MSRA: variants seen among roughly 807,000 people sequenced by gnomAD.
The protein encoded by MSRA is mitochondrial peptide methionine sulfoxide reductase.
In MSRA, 54 loss-of-function variants were observed where a neutral mutation model predicts 31.3. The observed-to-expected ratio is 1.73, with a 90% CI of 1.39 to 2.17. The LOEUF (loss-of-function observed/expected upper bound fraction) is 2.17. Among genes scored for constraint, MSRA ranks in the 30% most tolerant of loss-of-function variants. MSRA has a pLI of 0.00. For synonymous variants in MSRA, 169 were observed against 116.5 expected (o/e 1.45, Z -2.90); for missense variants, 507 against 300.9 (o/e 1.69, Z -5.07).
At chr8:10,164,944 C>T (rs1804987118) in intron 1 of MSRA, among the ~76,000 whole-genome samples, 1 of 152,188 alleles carries the variant, frequency 6.6e-6, no homozygotes, top group Admixed American at 6.5e-5. Context: ...AGGAGAATCA[C>T]TTGAACCTGG....
At chr8:10,238,102 C>T (rs981235931) in intron 2 of MSRA, among the ~76,000 whole-genome samples, 23 of 152,186 alleles carry the variant, frequency 1.5e-4, no homozygotes, top group African/African-American at 3.4e-4. Context: ...CTGCTACTTC[C>T]TCCTTGTTTA....
chr8:10,173,262 G>T (rs1429218138), intron 1 of MSRA, among the ~76,000 whole-genome samples: 6 of 152,234 alleles, frequency 3.9e-5, no homozygotes, highest in Admixed American at 6.5e-5. Context: ...CTCCGTGTCT[G>T]CCTGCAGCCT....
intron 2 of MSRA, among the ~76,000 whole-genome samples, chr8:10,219,557 C>A (rs962013354): frequency 4.6e-5 from 7 of 151,958 alleles, no homozygotes; most frequent in African/African-American, 1.7e-4. Flanking sequence ...CACCTGTAAT[C>A]CCAGCACTTT....
intron 1 of MSRA, among the ~76,000 whole-genome samples, chr8:10,103,530 TG>T (rs982038925): frequency 7.9e-5 from 12 of 152,182 alleles, no homozygotes; most frequent in Admixed American, 7.2e-4. Context: ...ATCAAAGGGT[TG>T]TTCAGAATAT....
chr8:10,109,658 A>G (rs1280065360), intron 1 of MSRA, among the ~76,000 whole-genome samples: 4 of 152,064 alleles, frequency 2.6e-5, no homozygotes, highest in Non-Finnish European at 5.9e-5. Context: ...CTTATGATGT[A>G]TTTTTAGCAT....
At chr8:10,111,078 A>G (rs1410122099) in intron 1 of MSRA, among the ~76,000 whole-genome samples, 1 of 152,150 alleles carries the variant, frequency 6.6e-6, no homozygotes, top group East Asian at 1.9e-4. Context: ...GCTTGATTTG[A>G]CCAAGTGTAG....
chr8:10,369,336 A>G (rs992699712), intron 5 of MSRA, among the ~76,000 whole-genome samples: 3 of 149,726 alleles, frequency 2.0e-5, no homozygotes, highest in Non-Finnish European at 4.4e-5. Flanking sequence ...TTATTTGAAC[A>G]TAGCATGATC....
At chr8:10,244,708 A>C (rs1462157096) in intron 2 of MSRA, among the ~76,000 whole-genome samples, 1 of 152,200 alleles carries the variant, frequency 6.6e-6, no homozygotes, top group East Asian at 1.9e-4. Context: ...TACTTTGGTA[A>C]AATATTTTTT....
intron 2 of MSRA, among the ~76,000 whole-genome samples, chr8:10,234,386 T>G (rs1210614589): frequency 3.9e-5 from 6 of 152,180 alleles, no homozygotes; most frequent in Non-Finnish European, 7.4e-5. Context: ...ATACTAACTT[T>G]AGACTTGGTT....
intron 4 of MSRA, among the ~76,000 whole-genome samples, chr8:10,315,853 G>T (rs974787405): frequency 6.6e-6 from 1 of 152,126 alleles, no homozygotes; most frequent in African/African-American, 2.4e-5. Flanking sequence ...ATTCTAGGAC[G>T]CATAATAAGT....
At chr8:10,329,253 A>T (rs114028777) in intron 5 of MSRA, among the ~76,000 whole-genome samples, 116 of 152,274 alleles carry the variant, frequency 7.6e-4, no homozygotes, top group African/African-American at 2.6e-3. Flanking sequence ...CCCAAAGTCA[A>T]TTTCCCTGGA....
chr8:10,227,490 G>C (rs1163633026), intron 2 of MSRA, among the ~76,000 whole-genome samples: 1 of 152,208 alleles, frequency 6.6e-6, no homozygotes, highest in Non-Finnish European at 1.5e-5. Flanking sequence ...GGCTAGATGA[G>C]AAGGAAGGTC....
At chr8:10,315,615 A>G (rs1280294523) in intron 4 of MSRA, among the ~76,000 whole-genome samples, 1 of 152,220 alleles carries the variant, frequency 6.6e-6, no homozygotes, top group Non-Finnish European at 1.5e-5. Flanking sequence ...AACACTATCC[A>G]TGATGGACTA....
At chr8:10,084,404 G>A (rs143955595) in intron 1 of MSRA, among the ~76,000 whole-genome samples, 1 of 152,394 alleles carries the variant, frequency 6.6e-6, no homozygotes, top group Non-Finnish European at 1.5e-5. Flanking sequence ...TTGGATCGTT[G>A]TAATAGTCTT....
intron 1 of MSRA, among the ~76,000 whole-genome samples, chr8:10,181,043 A>G (rs896085136): frequency 5.9e-5 from 9 of 152,198 alleles, no homozygotes; most frequent in African/African-American, 1.9e-4. Flanking sequence ...ATATTTATTG[A>G]ACTCTAGGCA....
chr8:10,405,931 CAT>C (rs1807786654), intron 5 of MSRA, among the ~76,000 whole-genome samples: 1 of 152,280 alleles, frequency 6.6e-6, no homozygotes, highest in South Asian at 2.1e-4. Flanking sequence ...CACATGCTCA[CAT>C]GTGCTCACAC....
chr8:10,212,196 A>AT (rs1379492994), intron 2 of MSRA, among the ~76,000 whole-genome samples: 1 of 152,100 alleles, frequency 6.6e-6, no homozygotes, highest in Non-Finnish European at 1.5e-5. Flanking sequence ...AAAAAAAAAA[A>AT]AAATTTAAAC....
At chr8:10,167,074 T>C (rs1805199332) in intron 1 of MSRA, among the ~76,000 whole-genome samples, 2 of 152,184 alleles carry the variant, frequency 1.3e-5, no homozygotes, top group South Asian at 4.1e-4. Context: ...TGATGCCCTT[T>C]TCATTCTCCC....
chr8:10,411,559 C>T (rs563775330), intron 5 of MSRA: 1 of 152,064 alleles, frequency 6.6e-6, no homozygotes, highest in South Asian at 2.1e-4. Context: ...TGAGGTTAGA[C>T]ATATTGCAGC....
Sources: gnomAD v4.1 joint callset for allele counts (sites outside exome capture counted in the v4.1 genomes callset) on GRCh38, gnomAD v4.1.1 for gene constraint, MANE v1.5 for transcripts, NCBI Gene and HGNC (gene_info 2026-07-23, HGNC 2026-07-21) for gene names.